Variants in MYO10 observed in about 807,000 individuals in gnomAD.
MYO10 encodes the protein myosin X.
In MYO10, 133 loss-of-function variants were observed where a neutral mutation model predicts 257.3. That is an observed-to-expected ratio of 0.52 (90% confidence interval 0.45 to 0.60). The LOEUF is 0.60. Ranked by LOEUF, MYO10 falls within the 20% of genes least tolerant of loss-of-function variation. The probability of loss-of-function intolerance (pLI) is 0.00; values close to 1 mark genes in which losing one functional copy is unlikely to be tolerated. For synonymous variants in MYO10, 1,104 were observed against 1,028.6 expected, an observed-to-expected ratio of 1.07 and a Z score of -1.40; for missense variants, 2,399 against 2,635.7, an observed-to-expected ratio of 0.91 and a Z score of 1.97.
At chr5:16,722,480 C>G (rs2126601549) in intron 19 of MYO10, among the ~76,000 whole-genome samples, 1 of 145,482 alleles carries the variant, frequency 6.9e-6, no homozygotes, top group African/African-American at 2.6e-5. Context: ...TTTTGCCTCT[C>G]TTACAGATTT....
chr5:16,881,752 TG>T (rs1374774381), intron 1 of MYO10, among the ~76,000 whole-genome samples: 1 of 152,188 alleles, frequency 6.6e-6, no homozygotes, highest in Non-Finnish European at 1.5e-5. Flanking sequence ...TTAGAACACA[TG>T]TGCCCAGGTC....
chr5:16,818,606 A>AT (rs34322258), intron 2 of MYO10, among the ~76,000 whole-genome samples: 16 of 145,198 alleles, frequency 1.1e-4, no homozygotes, highest in African/African-American at 1.5e-4. Flanking sequence ...TAATTTTTGC[A>AT]TTTTTTTTTT....
At chr5:16,708,574 G>C (rs764948959) in intron 21 of MYO10, among the ~76,000 whole-genome samples, 13 of 152,076 alleles carry the variant, frequency 8.5e-5, no homozygotes, top group Non-Finnish European at 1.3e-4. Context: ...ATTTCTTTTT[G>C]TTTTTGAGAC....
chr5:16,685,800 C>T lies in MYO10; in HGVS notation c.3928G>A (p.Ala1310Thr), dbSNP rs751350671. Residue 1310 changes from alanine to threonine, a missense_variant, in exon 29 of 41, where the codon GCG (alanine) becomes ACG (threonine). Physicochemically the swap from Ala to Thr is moderately conservative, Grantham distance 58. Transcript: ENST00000513610. ...QWFSVLSQVH[A>T]STDQEIQEMH... ...TCCTGGATCTCCTGGTCCGTGGACGCGTGGACCTGACTCAGCACGCTGAAC... is the reference window on the plus strand; with the variant it reads ...TCCTGGATCTCCTGGTCCGTGGACGTGTGGACCTGACTCAGCACGCTGAAC... 7.5e-6 allele frequency: 12 copies of T among 1,603,288 alleles called. No homozygotes were observed. Among genetic ancestry groups the T allele is most frequent in the African/African-American group, 2.7e-5 (2 of 74,716 alleles).
At chr5:16,900,352 A>G (rs1207452226) in intron 1 of MYO10, among the ~76,000 whole-genome samples, 2 of 152,196 alleles carry the variant, frequency 1.3e-5, no homozygotes, top group Non-Finnish European at 2.9e-5. Flanking sequence ...GGAGTTTTGC[A>G]GATGTAGAAA....
intron 9 of MYO10, among the ~76,000 whole-genome samples, chr5:16,775,723 C>T (rs1324544510): frequency 6.6e-6 from 1 of 151,908 alleles, no homozygotes; most frequent in Non-Finnish European, 1.5e-5. Flanking sequence ...CTGTCTCAGC[C>T]TCCTGAGTAG....
At chr5:16,668,183 A>C in intron 40 of MYO10, 94 bp downstream of exon 40, 1 of 1,328,738 alleles carries the variant, frequency 7.5e-7, no homozygotes, top group South Asian at 1.6e-5. Flanking sequence ...ATATTCAAAG[A>C]AAATGACCTG....
intron 1 of MYO10, among the ~76,000 whole-genome samples, chr5:16,923,260 A>G (rs1746037672): frequency 6.6e-6 from 1 of 151,920 alleles, no homozygotes; most frequent in East Asian, 1.9e-4. Flanking sequence ...ATTGTCAGAG[A>G]TGTAGTGTAT....
chr5:16,686,652 A>G (rs1038751286), intron 28 of MYO10, among the ~76,000 whole-genome samples: 6 of 151,948 alleles, frequency 3.9e-5, no homozygotes, highest in Non-Finnish European at 7.4e-5. Flanking sequence ...CTCCTGCCTC[A>G]GCCTCTCGAG....
chr5:16,817,885 T>C, intron 3 of MYO10, 124 bp downstream of exon 3: 1 of 934,228 alleles, frequency 1.1e-6, no homozygotes, highest in South Asian at 3.2e-5. Flanking sequence ...GCAAATCCCT[T>C]GAAAACATAA....
At chr5:16,868,553 C>T (rs1049315638) in intron 2 of MYO10, among the ~76,000 whole-genome samples, 5 of 151,600 alleles carry the variant, frequency 3.3e-5, no homozygotes, top group African/African-American at 9.7e-5. Flanking sequence ...TGCAGCAAGC[C>T]AAGATCGCGC....
intron 32 of MYO10, among the ~76,000 whole-genome samples, chr5:16,680,464 T>G (rs1044506801): frequency 6.6e-6 from 1 of 152,190 alleles, no homozygotes; most frequent in African/African-American, 2.4e-5. Flanking sequence ...ACTTTCCTTC[T>G]TACTTCCTAT....
At chr5:16,675,977 C>A in intron 34 of MYO10, 54 bp downstream of exon 34, 2 of 1,546,836 alleles carry the variant, frequency 1.3e-6, no homozygotes, top group South Asian at 1.2e-5. Flanking sequence ...AAAGAGTTAG[C>A]AGGGCAAGTG....
At chr5:16,729,061 T>G (rs1739480651) in intron 19 of MYO10, among the ~76,000 whole-genome samples, 1 of 152,162 alleles carries the variant, frequency 6.6e-6, no homozygotes, top group South Asian at 2.1e-4. Context: ...CTCAATGAAT[T>G]GGCAATGAAA....
At chr5:16,747,192 G>C (rs1001274951) in intron 19 of MYO10, among the ~76,000 whole-genome samples, 1 of 152,136 alleles carries the variant, frequency 6.6e-6, no homozygotes, top group Admixed American at 6.6e-5. Flanking sequence ...TAGACAGGGC[G>C]AAGGAGCATG....
At chr5:16,777,309 T>A (rs1741248813) in intron 9 of MYO10, among the ~76,000 whole-genome samples, 1 of 152,174 alleles carries the variant, frequency 6.6e-6, no homozygotes, top group South Asian at 2.1e-4. Flanking sequence ...TTGTGACATC[T>A]TTAAAAGGGA....
In MYO10 at chr5:16,673,849, C is replaced by T. The variant is rs747911770; in HGVS notation, c.5005G>A (p.Ala1669Thr). ...TTAAGAGATTCGTAAGTGAAGAGAG[C>T]GTATTTTTCCATCTCGCTTCCTGGA... is the stretch of plus-strand genomic sequence containing the variant. ...QFPGSEMEKY[A>T]LFTYESLKKT... Residue 1669 changes from alanine (A) to threonine (T), a missense_variant, in exon 36 of 41, where the codon GCT becomes ACT. Physicochemically the swap from Ala to Thr is moderately conservative, Grantham distance 58. Transcript: ENST00000513610. 8.7e-6 allele frequency: 14 copies of T among 1,613,768 alleles called. No individual in the cohort carries two copies. The South Asian group carries it at 1.2e-4, about 14-fold the overall frequency.
At chr5:16,781,961 G>A (rs1458343927) in intron 5 of MYO10, 132 bp from the exon 6 acceptor site, 1 of 1,110,744 alleles carries the variant, frequency 9.0e-7, no homozygotes, top group East Asian at 2.4e-5. Flanking sequence ...GGGTGGCAAT[G>A]TTTATTTCCG....
chr5:16,671,550 G>T lies in MYO10; in HGVS notation c.5310-8C>A, dbSNP rs895323267. 6.2e-7 allele frequency: 1 copy of T among 1,613,832 alleles called. No individual in the cohort carries two copies. Among genetic ancestry groups the T allele is most frequent in the African/African-American group, 1.3e-5 (1 of 74,918 alleles). Reference sequence around the variant, plus strand: ...TCGGATGTGGCAGCCAGCCTACAGAGAGGAGTCAAGAGAGGCTCAGAATAT... The same window carrying T: ...TCGGATGTGGCAGCCAGCCTACAGATAGGAGTCAAGAGAGGCTCAGAATAT... On this transcript the variant is annotated splice_region_variant and splice_polypyrimidine_tract_variant and intron_variant, in intron 37 of 40. Coordinates refer to ENST00000513610, the MANE Select transcript of MYO10 (RefSeq NM_012334.3).
Sources: gnomAD v4.1 joint callset for allele counts (sites outside exome capture counted in the v4.1 genomes callset) on GRCh38, gnomAD v4.1.1 for gene constraint, MANE v1.5 for transcripts, NCBI Gene and HGNC (gene_info 2026-07-23, HGNC 2026-07-21) for gene names.